The following SORT1 variants were observed in gnomAD, a reference collection of about 807,000 sequenced individuals.
SORT1 encodes the protein sortilin 1.
In SORT1, 39 loss-of-function variants were observed where a neutral mutation model predicts 101.7. The observed-to-expected ratio is 0.38, with a 90% CI of 0.30 to 0.50. The LOEUF (loss-of-function observed/expected upper bound fraction) is 0.50. SORT1 is among the 20% of genes least tolerant of loss of function. SORT1 has a pLI of 0.90. For synonymous variants in SORT1, 396 were observed against 393.7 expected, an observed-to-expected ratio of 1.01 and a Z score of -0.07; for missense variants, 878 against 1,040.4, an observed-to-expected ratio of 0.84 and a Z score of 2.15.
At chr1:109,396,967 T>C (rs191539614) in intron 1 of SORT1, among the ~76,000 whole-genome samples, 1 of 152,328 alleles carries the variant, frequency 6.6e-6, no homozygotes, top group Non-Finnish European at 1.5e-5. Context: ...GCAGAATATG[T>C]GCAATGCGTT....
chr1:109,327,200 A>G, intron 12 of SORT1, 40 bp from the exon 13 acceptor site: 1 of 1,492,136 alleles, frequency 6.7e-7, no homozygotes. Context: ...CAAATAGGCA[A>G]TGAAACAGAG....
intron 3 of SORT1, among the ~76,000 whole-genome samples, chr1:109,357,831 T>A (rs1362012564): frequency 6.6e-6 from 1 of 151,952 alleles, no homozygotes; most frequent in Non-Finnish European, 1.5e-5. Flanking sequence ...CCCAACAGAG[T>A]CCTATATTAT....
Position 109,322,848 on chromosome 1 carries a change from A to G in SORT1, c.2024+84T>C, listed in dbSNP as rs1230567995. The stretch of plus-strand genomic sequence containing the variant: ...AGCCACCGCACCCGGCTGGATTTCA[A>G]TATTTGTTAGCCCTATAAGAAAACT... On this transcript the variant is annotated intron_variant, in intron 15 of 19. Coordinates refer to ENST00000256637, the MANE Select transcript of SORT1 (RefSeq NM_002959.7). 5.1e-5 allele frequency: 59 copies of G among 1,147,202 alleles called. 2 individuals carry two copies. The South Asian group carries it at 5.7e-4, about 11-fold the overall frequency. The allele number at this position is 1,147,202 out of a possible 1,614,324, so 71.1% of individuals were successfully genotyped here.
chr1:109,329,567 T>G (rs1648320663), intron 11 of SORT1, among the ~76,000 whole-genome samples: 1 of 152,170 alleles, frequency 6.6e-6, no homozygotes, highest in Admixed American at 6.5e-5. Context: ...GTGGCTATAT[T>G]TATATCAGAC....
chr1:109,344,732 G>C (rs1033494514), intron 8 of SORT1, among the ~76,000 whole-genome samples: 4 of 152,162 alleles, frequency 2.6e-5, no homozygotes, highest in Non-Finnish European at 5.9e-5. Flanking sequence ...GTCTTGTGCT[G>C]TTACCCAGGC....
chr1:109,373,009 T>A (rs1149176), intron 1 of SORT1, among the ~76,000 whole-genome samples: 1 of 151,862 alleles, frequency 6.6e-6, no homozygotes, highest in African/African-American at 2.4e-5. Flanking sequence ...GAGGCAAGAT[T>A]GCGCCACTGC....
chr1:109,360,594 C>T (rs1451527720), intron 3 of SORT1, among the ~76,000 whole-genome samples: 6 of 151,734 alleles, frequency 4.0e-5, no homozygotes, highest in Non-Finnish European at 8.8e-5. Flanking sequence ...ACCTCAGCCT[C>T]CCAAAGTGCT....
chr1:109,386,464 C>CT (rs1652573332), intron 1 of SORT1, among the ~76,000 whole-genome samples: 1 of 152,098 alleles, frequency 6.6e-6, no homozygotes, highest in Non-Finnish European at 1.5e-5. Context: ...AAGCAACAGA[C>CT]CATATGGGGA....
At chr1:109,341,885 A>G (rs1162124707) in intron 9 of SORT1, 129 bp downstream of exon 9, 1 of 876,612 alleles carries the variant, frequency 1.1e-6, no homozygotes, top group Non-Finnish European at 1.9e-6. Context: ...GATGATCTCT[A>G]GGACAGAAAA....
At chr1:109,370,967 G>T (rs556459911) in intron 1 of SORT1, among the ~76,000 whole-genome samples, 14 of 152,302 alleles carry the variant, frequency 9.2e-5, no homozygotes, top group Non-Finnish European at 1.6e-4. Context: ...CTCAAAACAT[G>T]AACTGTTTTG....
At chr1:109,334,193 C>T (rs1648654718) in intron 11 of SORT1, among the ~76,000 whole-genome samples, 1 of 151,900 alleles carries the variant, frequency 6.6e-6, no homozygotes, top group Non-Finnish European at 1.5e-5. Flanking sequence ...ACCAGCAATC[C>T]CATTTCTGGG....
chr1:109,350,974 C>A lies in SORT1; in HGVS notation c.737G>T (p.Gly246Val). 2 of 1,612,922 alleles carry A rather than the reference C, an allele frequency of 1.2e-6. No homozygotes were observed. The highest frequency in any genetic ancestry group is 1.1e-5 in the South Asian group (1 of 91,068). The change falls in exon 6 of 20, where the codon GGG becomes GTG. Residue 246 changes from glycine to valine, a missense_variant. Physicochemically the swap from Gly to Val is moderately radical, Grantham distance 109. This residue lies in a region of SORT1 where 684 missense variants were observed against 894.5 expected (regional missense o/e 0.76). Coordinates refer to ENST00000256637, the MANE Select transcript of SORT1 (RefSeq NM_002959.7). ...TTTGTGGATTTCTTCCCATTTTCCC[C>A]CAAAATTCTTGGACACCCACAGGCC... ...ENGLWVSKNFGGKWEEIHKAV... is the reference protein window; with the variant it reads ...ENGLWVSKNFVGKWEEIHKAV...
intron 11 of SORT1, among the ~76,000 whole-genome samples, chr1:109,331,102 T>G (rs995518467): frequency 6.6e-6 from 1 of 152,146 alleles, no homozygotes; most frequent in African/African-American, 2.4e-5. Context: ...AATGGAACAC[T>G]TCCAAACTCA....
intron 11 of SORT1, among the ~76,000 whole-genome samples, chr1:109,332,935 T>C (rs1353884714): frequency 6.6e-6 from 1 of 152,288 alleles, no homozygotes; most frequent in Non-Finnish European, 1.5e-5. Flanking sequence ...TCAACCCTTC[T>C]TTCTTTTTTT....
chr1:109,376,079 A>T (rs1239302374), intron 1 of SORT1, among the ~76,000 whole-genome samples: 1 of 152,164 alleles, frequency 6.6e-6, no homozygotes, highest in African/African-American at 2.4e-5. Flanking sequence ...GTGGTGGCTC[A>T]CGCTTGTAAT....
At chr1:109,370,717 C>T (rs1291994012) in intron 1 of SORT1, among the ~76,000 whole-genome samples, 1 of 152,150 alleles carries the variant, frequency 6.6e-6, no homozygotes, top group Non-Finnish European at 1.5e-5. Flanking sequence ...ACATGCCTTG[C>T]CCTCCCAGAT....
chr1:109,334,123 G>C (rs1648646466), intron 11 of SORT1, among the ~76,000 whole-genome samples: 1 of 152,118 alleles, frequency 6.6e-6, no homozygotes, highest in Non-Finnish European at 1.5e-5. Context: ...TCCAGCCTTG[G>C]TGACGGGGCA....
chr1:109,329,111 T>C (rs1337535337), intron 11 of SORT1, among the ~76,000 whole-genome samples: 2 of 152,234 alleles, frequency 1.3e-5, no homozygotes, highest in Non-Finnish European at 1.5e-5. Flanking sequence ...CAAGAATCTC[T>C]GGATGAGCTA....
intron 9 of SORT1, among the ~76,000 whole-genome samples, chr1:109,341,358 T>C (rs1357975813): frequency 6.6e-6 from 1 of 152,128 alleles, no homozygotes; most frequent in Non-Finnish European, 1.5e-5. Flanking sequence ...CTAAGTTTTT[T>C]TTTTTTGAGA....
Sources: gnomAD v4.1 joint callset for allele counts (sites outside exome capture counted in the v4.1 genomes callset) on GRCh38, gnomAD v4.1.1 for gene constraint, gnomAD v4.1.1 regional missense constraint, MANE v1.5 for transcripts, NCBI Gene and HGNC (gene_info 2026-07-23, HGNC 2026-07-21) for gene names.